Variants in PAK5 observed in about 807,000 individuals in gnomAD.
The protein encoded by PAK5 is serine/threonine-protein kinase PAK 5.
Under a neutral mutation model 65.9 loss-of-function variants are expected in PAK5, and 16 were observed. The observed-to-expected ratio is 0.24, with a 90% CI of 0.16 to 0.37. The LOEUF is 0.37. Ranked by LOEUF, PAK5 falls within the 10% of genes least tolerant of loss-of-function variation. PAK5 has a pLI of 1.00. For missense variants in PAK5, 785 were observed against 903.9 expected, an observed-to-expected ratio of 0.87 and a Z score of 1.69; for synonymous variants, 371 against 354.9, an observed-to-expected ratio of 1.05 and a Z score of -0.51.
chr20:9,788,439 A>C (rs1338069771), intron 1 of PAK5, among the ~76,000 whole-genome samples: 1 of 152,118 alleles, frequency 6.6e-6, no homozygotes, highest in Non-Finnish European at 1.5e-5. Context: ...CCCAGATTCT[A>C]AACAGCTAAC....
chr20:9,775,073 G>A (rs973489881), intron 1 of PAK5, among the ~76,000 whole-genome samples: 1 of 152,202 alleles, frequency 6.6e-6, no homozygotes, highest in African/African-American at 2.4e-5. Flanking sequence ...AACTAAAGAT[G>A]ACAAAAGTCA....
At chr20:9,782,275 C>T (rs994905757) in intron 1 of PAK5, among the ~76,000 whole-genome samples, 1 of 152,090 alleles carries the variant, frequency 6.6e-6, no homozygotes, top group Admixed American at 6.6e-5. Flanking sequence ...TAATGATGCC[C>T]ACCTGGGCCA....
chr20:9,598,154 C>G (rs1221084740), intron 3 of PAK5, among the ~76,000 whole-genome samples: 1 of 152,134 alleles, frequency 6.6e-6, no homozygotes, highest in Non-Finnish European at 1.5e-5. Context: ...GCCTATCTCC[C>G]TGTGTCCATG....
chr20:9,668,038 T>C (rs2047443223), intron 2 of PAK5, among the ~76,000 whole-genome samples: 1 of 152,114 alleles, frequency 6.6e-6, no homozygotes. Context: ...ACCATTTGAG[T>C]CATGACAGCT....
Position 9,625,415 on chromosome 20 carries a change from C to T in PAK5, c.204+18710G>A, listed in dbSNP as rs185961181. Among the ~76,000 whole-genome samples, 177 of 152,314 alleles carry T rather than the reference C, an allele frequency of 1.2e-3. 1 individual carries two copies. Among genetic ancestry groups the T allele is most frequent in the African/African-American group, 4.1e-3 (171 of 41,574 alleles). On this transcript the variant is annotated intron_variant, in intron 3 of 9. Transcript: ENST00000353224. Reference sequence around the variant, plus strand: ...TACAACGCTGTGCCAAGAAGCTATGCGCCATGCTGGGTAGTCCCCTCACAT... The same window carrying T: ...TACAACGCTGTGCCAAGAAGCTATGTGCCATGCTGGGTAGTCCCCTCACAT...
intron 1 of PAK5, among the ~76,000 whole-genome samples, chr20:9,748,783 C>G (rs760928650): frequency 1.3e-5 from 2 of 152,022 alleles, no homozygotes; most frequent in Non-Finnish European, 2.9e-5. Flanking sequence ...TATGCACTGT[C>G]TAATTCATTA....
At chr20:9,728,906 C>A (rs921184823) in intron 1 of PAK5, among the ~76,000 whole-genome samples, 2 of 152,148 alleles carry the variant, frequency 1.3e-5, no homozygotes, top group African/African-American at 4.8e-5. Context: ...TGGCTTACTA[C>A]AAAATAATGC....
At chr20:9,545,843 A>G (rs1396184056) in intron 7 of PAK5, among the ~76,000 whole-genome samples, 1 of 152,114 alleles carries the variant, frequency 6.6e-6, no homozygotes, top group African/African-American at 2.4e-5. Context: ...GTCCTGTTCT[A>G]GTGAATGACA....
intron 2 of PAK5, among the ~76,000 whole-genome samples, chr20:9,657,555 T>G (rs2047285684): frequency 6.6e-6 from 1 of 152,210 alleles, no homozygotes; most frequent in Admixed American, 6.5e-5. Flanking sequence ...CAAAACAGAT[T>G]AATTAAAATT....
At chr20:9,822,131 T>C (rs1007514521) in intron 1 of PAK5, among the ~76,000 whole-genome samples, 1 of 151,750 alleles carries the variant, frequency 6.6e-6, no homozygotes, top group Non-Finnish European at 1.5e-5. Flanking sequence ...CTACTAAAAA[T>C]ACAAAAAATT....
At chr20:9,712,216 T>C (rs960498072) in intron 1 of PAK5, among the ~76,000 whole-genome samples, 4 of 152,162 alleles carry the variant, frequency 2.6e-5, no homozygotes, top group Admixed American at 6.5e-5. Context: ...TCTGTAAATA[T>C]AAAATCACAA....
chr20:9,561,648 G>A (rs1211331611), intron 6 of PAK5, among the ~76,000 whole-genome samples: 1 of 151,958 alleles, frequency 6.6e-6, no homozygotes, highest in Non-Finnish European at 1.5e-5. Context: ...TACTTCACAG[G>A]GTTTCCCAGT....
intron 1 of PAK5, among the ~76,000 whole-genome samples, chr20:9,833,746 C>T (rs1438054022): frequency 2.6e-5 from 4 of 152,240 alleles, no homozygotes; most frequent in South Asian, 2.1e-4. Context: ...GAAAAATAAC[C>T]GTTTCATAAT....
At chr20:9,759,776 T>G (rs940518773) in intron 1 of PAK5, among the ~76,000 whole-genome samples, 1 of 152,166 alleles carries the variant, frequency 6.6e-6, no homozygotes, top group Non-Finnish European at 1.5e-5. Flanking sequence ...GAAGAGAATG[T>G]TGCCTGGTCT....
At chr20:9,681,450 T>C (rs1241342796) in intron 2 of PAK5, among the ~76,000 whole-genome samples, 2 of 152,148 alleles carry the variant, frequency 1.3e-5, no homozygotes, top group African/African-American at 4.8e-5. Context: ...ACTTGTCCTA[T>C]CTTTATTTTT....
chr20:9,690,787 TC>T (rs2047785786), intron 2 of PAK5, among the ~76,000 whole-genome samples: 1 of 133,238 alleles, frequency 7.5e-6, no homozygotes, highest in Non-Finnish European at 1.6e-5. Flanking sequence ...GGAGTTTCAC[TC>T]CTGTTGCCAA....
intron 2 of PAK5, among the ~76,000 whole-genome samples, chr20:9,688,131 A>C (rs2047744971): frequency 6.6e-6 from 1 of 152,104 alleles, no homozygotes; most frequent in Admixed American, 6.6e-5. Flanking sequence ...AAAACTGGCC[A>C]GAGAACAGCC....
rs2045189091 is a variant in PAK5, at chr20:9,537,453, C to G, written c.*2009G>C. ...CTGCCAATAGTTAGTGCTCACAAAA[C>G]CTTTTAAGCTACAGTAACTTTTGGT... On this transcript the variant is annotated 3_prime_UTR_variant, in exon 10 of 10. Transcript: ENST00000353224. 4.8e-6 allele frequency: 1 copy of G among 209,208 alleles called. No individual in the cohort carries two copies. Among genetic ancestry groups the G allele is most frequent in the Non-Finnish European group, 9.7e-6 (1 of 102,662 alleles). The allele number at this position is 209,208 out of a possible 1,614,324, so 13.0% of individuals were successfully genotyped here.
chr20:9,833,865 A>G (rs1978938479), intron 1 of PAK5, among the ~76,000 whole-genome samples: 1 of 152,230 alleles, frequency 6.6e-6, no homozygotes, highest in Admixed American at 6.5e-5. Context: ...TATATTTCTT[A>G]TTATTCACGA....
Sources: gnomAD v4.1 joint callset for allele counts (sites outside exome capture counted in the v4.1 genomes callset) on GRCh38, gnomAD v4.1.1 for gene constraint, MANE v1.5 for transcripts, NCBI Gene and HGNC (gene_info 2026-07-23, HGNC 2026-07-21) for gene names.